CTNNA2: variants seen among roughly 807,000 people sequenced by gnomAD.
CTNNA2 encodes catenin alpha-2.
A neutral mutation model predicts 101.0 loss-of-function variants in CTNNA2; 42 were observed. The observed-to-expected ratio is 0.42, with a 90% CI of 0.32 to 0.54. CTNNA2 has a LOEUF of 0.54. Ranked by LOEUF, CTNNA2 falls within the 20% of genes least tolerant of loss-of-function variation. The probability of loss-of-function intolerance (pLI) is 0.14; values close to 1 mark genes in which losing one functional copy is unlikely to be tolerated. For missense variants in CTNNA2, 871 were observed against 1,223.1 expected (o/e 0.71, Z 4.29); for synonymous variants, 450 against 456.4 (o/e 0.99, Z 0.18).
chr2:80,241,620 TATCTATC>T (rs1350881909), intron 7 of CTNNA2, among the ~76,000 whole-genome samples: 4 of 151,176 alleles, frequency 2.6e-5, no homozygotes, highest in African/African-American at 9.8e-5. Flanking sequence ...TCTATCTATC[TATCTATC>T]ATCTTTGTTA....
At chr2:79,936,400 C>T (rs1370473982) in intron 7 of CTNNA2, among the ~76,000 whole-genome samples, 1 of 152,046 alleles carries the variant, frequency 6.6e-6, no homozygotes, top group African/African-American at 2.4e-5. Flanking sequence ...TTATTTATGC[C>T]TCTACTTCCT....
intron 7 of CTNNA2, among the ~76,000 whole-genome samples, chr2:79,911,616 G>A (rs1019771065): frequency 6.6e-6 from 1 of 152,124 alleles, no homozygotes; most frequent in African/African-American, 2.4e-5. Context: ...TCTGTTCGCA[G>A]CCTCGTGATG....
At chr2:79,379,841 G>T (rs1678019801) in intron 4 of CTNNA2, among the ~76,000 whole-genome samples, 1 of 152,088 alleles carries the variant, frequency 6.6e-6, no homozygotes, top group East Asian at 1.9e-4. Flanking sequence ...TAACTTTCTG[G>T]AAATGAGAAA....
intron 2 of CTNNA2, among the ~76,000 whole-genome samples, chr2:79,310,281 A>C (rs2104399151): frequency 6.6e-6 from 1 of 152,308 alleles, no homozygotes; most frequent in African/African-American, 2.4e-5. Flanking sequence ...TATATTCCTA[A>C]CTTCGACAAA....
chr2:80,331,532 C>T (rs1671331627), intron 7 of CTNNA2, among the ~76,000 whole-genome samples: 1 of 152,100 alleles, frequency 6.6e-6, no homozygotes, highest in Non-Finnish European at 1.5e-5. Flanking sequence ...TGCTGGTTGT[C>T]TTTACAAGTG....
chr2:79,318,192 CATGCATATATA>C (rs1676540597), intron 3 of CTNNA2, among the ~76,000 whole-genome samples: 1 of 152,048 alleles, frequency 6.6e-6, no homozygotes, highest in Admixed American at 6.5e-5. Flanking sequence ...ATACATAATG[CATGCATATATA>C]ATGCATATAT....
rs143088422 is a variant in CTNNA2, at chr2:79,603,927, G to A, written c.-5-47625G>A. ...TGGTTAAATGGTGAGGTCATGTGTGGGCATGAAAGCTCCATAGCCTGAGAG... is the reference window on the plus strand; with the variant it reads ...TGGTTAAATGGTGAGGTCATGTGTGAGCATGAAAGCTCCATAGCCTGAGAG... On this transcript the variant is annotated intron_variant, in intron 1 of 18. Coordinates refer to ENST00000402739, the MANE Select transcript of CTNNA2 (RefSeq NM_001282597.3). Among the ~76,000 whole-genome samples, 494 of 152,238 alleles carry A rather than the reference G, an allele frequency of 3.2e-3. 3 individuals are homozygous for A. The highest frequency in any genetic ancestry group is 0.011 in the African/African-American group (476 of 41,538).
chr2:80,061,681 A>G (rs1049577013), intron 7 of CTNNA2, among the ~76,000 whole-genome samples: 1 of 152,192 alleles, frequency 6.6e-6, no homozygotes, highest in Non-Finnish European at 1.5e-5. Flanking sequence ...ATATGCATCT[A>G]TCATTACATT....
At chr2:80,314,032 C>T (rs912025936) in intron 7 of CTNNA2, among the ~76,000 whole-genome samples, 1 of 152,206 alleles carries the variant, frequency 6.6e-6, no homozygotes, top group Non-Finnish European at 1.5e-5. Context: ...TAAGCTCACA[C>T]TTGGAGCCAG....
At chr2:79,917,927 A>G (rs540324426) in intron 7 of CTNNA2, among the ~76,000 whole-genome samples, 2 of 152,294 alleles carry the variant, frequency 1.3e-5, no homozygotes, top group South Asian at 4.1e-4. Context: ...AGTACCCATC[A>G]GAGCTATGGA....
chr2:80,004,428 G>A (rs1693182418), intron 7 of CTNNA2, among the ~76,000 whole-genome samples: 2 of 152,128 alleles, frequency 1.3e-5, no homozygotes, highest in Admixed American at 6.6e-5. Flanking sequence ...GAACAAGTCA[G>A]AGATCGTTGT....
intron 7 of CTNNA2, among the ~76,000 whole-genome samples, chr2:80,170,164 T>C (rs1573288555): frequency 6.6e-6 from 1 of 152,084 alleles, no homozygotes; most frequent in African/African-American, 2.4e-5. Flanking sequence ...ATAATGCATT[T>C]TCCAACTCTT....
intron 6 of CTNNA2, among the ~76,000 whole-genome samples, chr2:79,891,231 G>C (rs1440060034): frequency 6.6e-6 from 1 of 152,044 alleles, no homozygotes; most frequent in South Asian, 2.1e-4. Flanking sequence ...GATATTTTCT[G>C]TGCCTACCAA....
chr2:79,729,401 C>T lies in CTNNA2; in HGVS notation c.103-14986C>T, dbSNP rs1573810676. The stretch of plus-strand genomic sequence containing the variant: ...GAGTCTCAGATTCAATCATTTGGCA[C>T]CTAAGTAAGAAATGGGAAGTTCCAA... On this transcript the variant is annotated intron_variant, in intron 2 of 18. Coordinates refer to ENST00000402739, the MANE Select transcript of CTNNA2 (RefSeq NM_001282597.3). Among the ~76,000 whole-genome samples, 4 of 152,196 alleles carry T rather than the reference C, an allele frequency of 2.6e-5. No homozygotes were observed. In the Middle Eastern group the frequency reaches 0.01, roughly 388 times the overall value.
chr2:79,647,109 A>G (rs1680873983), intron 1 of CTNNA2, among the ~76,000 whole-genome samples: 1 of 152,188 alleles, frequency 6.6e-6, no homozygotes, highest in South Asian at 2.1e-4. Context: ...AATTGCACAG[A>G]TGGGATTGAG....
intron 4 of CTNNA2, among the ~76,000 whole-genome samples, chr2:79,860,546 G>GTTTTGTTTTT (rs1681521016): frequency 9.3e-6 from 1 of 107,180 alleles, no homozygotes; most frequent in African/African-American, 3.7e-5. Context: ...AGTAAGGGAA[G>GTTTTGTTTTT]TTTTTTTTTT....
chr2:79,431,395 T>C lies in CTNNA2; in HGVS notation c.-135+57382T>C, dbSNP rs529705950. On this transcript the variant is annotated intron_variant, in intron 4 of 21. Coordinates refer to the CTNNA2 transcript ENST00000466387. The stretch of plus-strand genomic sequence containing the variant: ...TTGATTGTTGCTCATGCTGTAGATC[T>C]AATGCAGATCAGCTGTGGCTCTGCT... Among the ~76,000 whole-genome samples, 29 of 152,330 alleles carry C rather than the reference T, an allele frequency of 1.9e-4. No homozygotes were observed. The South Asian group carries it at 4.1e-3, about 22-fold the overall frequency.
chr2:80,003,734 G>A (rs1693127074), intron 7 of CTNNA2, among the ~76,000 whole-genome samples: 1 of 152,194 alleles, frequency 6.6e-6, no homozygotes, highest in African/African-American at 2.4e-5. Flanking sequence ...TGGTCAAGAT[G>A]TGGTCATCAA....
Position 80,303,994 on chromosome 2 carries a change from A to G in CTNNA2, c.1057-89217A>G. On this transcript the variant is annotated intron_variant, in intron 7 of 18. Transcript: ENST00000402739. This position sits in a 1 kb window ranked among gnomAD's most constrained non-coding sequence, Gnocchi z 7.7. ...CCCCCTCCCCAAAAACCACACGTTCACCTCTAAGCATGCAGAAAGCTGGGC... is the reference window on the plus strand; with the variant it reads ...CCCCCTCCCCAAAAACCACACGTTCGCCTCTAAGCATGCAGAAAGCTGGGC... 1.6e-6 allele frequency: 1 copy of G among 641,020 alleles called. No homozygotes were observed. The highest frequency in any genetic ancestry group is 2.5e-6 in the Non-Finnish European group (1 of 407,452). The allele number at this position is 641,020 out of a possible 1,614,324, so 39.7% of individuals were successfully genotyped here. A position where few individuals can be genotyped will look rare whatever the true frequency, so the allele number is the denominator to read the frequency against.
Sources: allele counts gnomAD v4.1 joint callset (sites outside exome capture counted in the v4.1 genomes callset), GRCh38; gene constraint gnomAD v4.1.1; non-coding constraint Gnocchi (gnomAD v3.1); transcripts MANE v1.5; gene names NCBI Gene and HGNC (gene_info 2026-07-23, HGNC 2026-07-21).